The following CNTNAP2 variants were observed in gnomAD, a reference collection of about 807,000 sequenced individuals.
The protein encoded by CNTNAP2 is contactin associated protein 2, also known as contactin-associated protein-like 2.
A neutral mutation model predicts 155.2 loss-of-function variants in CNTNAP2; 98 were observed. The ratio of observed to expected loss-of-function variants is 0.63; its 90% CI spans 0.54 to 0.75. The LOEUF is 0.75. Among genes scored for constraint, CNTNAP2 ranks in the 30% least tolerant of loss-of-function variants. The pLI, the probability that CNTNAP2 is intolerant of heterozygous loss-of-function variation, is 0.00. For missense variants in CNTNAP2, 1,727 were observed against 1,688.1 expected, an observed-to-expected ratio of 1.02 and a Z score of -0.40; for synonymous variants, 651 against 631.2, an observed-to-expected ratio of 1.03 and a Z score of -0.47.
At chr7:148,152,060 G>C (rs1805306761) in intron 17 of CNTNAP2, among the ~76,000 whole-genome samples, 1 of 152,116 alleles carries the variant, frequency 6.6e-6, no homozygotes, top group Admixed American at 6.5e-5. Context: ...TTTGCACACA[G>C]AGCTCTACAG....
chr7:146,568,223 C>A (rs1483318465), intron 1 of CNTNAP2, among the ~76,000 whole-genome samples: 1 of 152,140 alleles, frequency 6.6e-6, no homozygotes, highest in African/African-American at 2.4e-5. Flanking sequence ...GCTGAAACCA[C>A]ACTATGAACA....
intron 1 of CNTNAP2, among the ~76,000 whole-genome samples, chr7:146,626,800 G>GGTGTTCTTTAT (rs1232786036): frequency 6.6e-6 from 1 of 152,034 alleles, no homozygotes; most frequent in African/African-American, 2.4e-5. Flanking sequence ...TGGGGCTTGT[G>GGTGTTCTTTAT]GTGTTCTTTA....
intron 3 of CNTNAP2, among the ~76,000 whole-genome samples, chr7:146,937,869 A>G (rs1796956288): frequency 6.6e-6 from 1 of 152,230 alleles, no homozygotes; most frequent in Non-Finnish European, 1.5e-5. Context: ...CTGATGGTAG[A>G]AGCTTAGGGT....
At chr7:147,153,330 G>C (rs1051981754) in intron 8 of CNTNAP2, among the ~76,000 whole-genome samples, 15 of 152,198 alleles carry the variant, frequency 9.9e-5, no homozygotes, top group African/African-American at 3.4e-4. Context: ...TATAAATAAA[G>C]TATATAGAAA....
At chr7:147,671,768 C>T (rs148700530) in intron 13 of CNTNAP2, 2,505 of 152,300 alleles carry the variant, frequency 0.016, 222 homozygotes, top group Admixed American at 0.15. Context: ...TGTGATCGAG[C>T]TCCAAAAGGG....
intron 1 of CNTNAP2, among the ~76,000 whole-genome samples, chr7:146,675,743 A>G (rs1160534560): frequency 6.6e-6 from 1 of 151,840 alleles, no homozygotes; most frequent in African/African-American, 2.4e-5. Flanking sequence ...GTCATTTGTT[A>G]TAACATTGAC....
intron 1 of CNTNAP2, among the ~76,000 whole-genome samples, chr7:146,283,530 GC>G (rs1800283125): frequency 6.6e-6 from 1 of 152,096 alleles, no homozygotes; most frequent in Non-Finnish European, 1.5e-5. Flanking sequence ...ACTGTGCCTG[GC>G]TGGTTCCAGA....
chr7:147,008,612 C>T (rs537844128), intron 3 of CNTNAP2, among the ~76,000 whole-genome samples: 2 of 151,998 alleles, frequency 1.3e-5, no homozygotes, highest in Admixed American at 6.6e-5. Context: ...GTAAGTACGC[C>T]GTCATAAGTA....
At chr7:147,079,398 G>A (rs1184001392) in intron 4 of CNTNAP2, among the ~76,000 whole-genome samples, 1 of 151,996 alleles carries the variant, frequency 6.6e-6, no homozygotes, top group East Asian at 1.9e-4. Flanking sequence ...AGTTTGGGAT[G>A]TTGCTCCCGT....
intron 15 of CNTNAP2, among the ~76,000 whole-genome samples, chr7:148,031,271 G>GCA (rs932827727): frequency 3.3e-5 from 5 of 152,252 alleles, no homozygotes; most frequent in Admixed American, 2.0e-4. Flanking sequence ...CTCTCAAAGG[G>GCA]CAGAGTAAGA....
chr7:147,542,292 G>A, intron 11 of CNTNAP2, among the ~76,000 whole-genome samples: 1 of 132,476 alleles, frequency 7.5e-6, no homozygotes. Flanking sequence ...CATTTGGATT[G>A]TTCAGTGGTA....
chr7:146,242,051 G>A (rs775378584), intron 1 of CNTNAP2, among the ~76,000 whole-genome samples: 103 of 152,062 alleles, frequency 6.8e-4, no homozygotes, highest in Non-Finnish European at 1.2e-3. Flanking sequence ...GCTATAAAAA[G>A]AGTTCAATAA....
intron 2 of CNTNAP2, among the ~76,000 whole-genome samples, chr7:146,775,067 A>G (rs1420058634): frequency 4.6e-5 from 7 of 152,220 alleles, no homozygotes; most frequent in Admixed American, 4.6e-4. Flanking sequence ...GGAAAGAAAC[A>G]ATATTATCTC....
chr7:146,750,766 T>G (rs964842341), intron 1 of CNTNAP2, among the ~76,000 whole-genome samples: 26 of 152,182 alleles, frequency 1.7e-4, no homozygotes, highest in African/African-American at 5.8e-4. Flanking sequence ...TTTTCTCTTT[T>G]TGCCTTATGA....
chr7:146,189,061 A>G (rs1798665566), intron 1 of CNTNAP2, among the ~76,000 whole-genome samples: 2 of 152,206 alleles, frequency 1.3e-5, no homozygotes, highest in African/African-American at 4.8e-5. Context: ...TAATCACAAT[A>G]CTCAGAAACA....
At chr7:147,723,976 C>A (rs1298246084) in intron 13 of CNTNAP2, among the ~76,000 whole-genome samples, 1 of 151,928 alleles carries the variant, frequency 6.6e-6, no homozygotes, top group Non-Finnish European at 1.5e-5. Flanking sequence ...TCTCTGTGAT[C>A]TGCACAGTGT....
At chr7:147,595,626 C>T (rs777987226) in intron 12 of CNTNAP2, among the ~76,000 whole-genome samples, 9 of 152,174 alleles carry the variant, frequency 5.9e-5, no homozygotes, top group African/African-American at 1.9e-4. Flanking sequence ...TAATAACTTA[C>T]GGCCGTATCT....
chr7:147,206,816 CTATT>C (rs1803033004), intron 8 of CNTNAP2, among the ~76,000 whole-genome samples: 1 of 152,092 alleles, frequency 6.6e-6, no homozygotes, highest in African/African-American at 2.4e-5. Context: ...TTATTTATGA[CTATT>C]TATTTTGCTT....
chr7:147,334,822 A>G (rs1435042722), intron 9 of CNTNAP2, among the ~76,000 whole-genome samples: 1 of 152,204 alleles, frequency 6.6e-6, no homozygotes, highest in East Asian at 1.9e-4. Context: ...TTTCTCTCCC[A>G]GGTTAGTGTT....
Sources: allele counts gnomAD v4.1 joint callset (sites outside exome capture counted in the v4.1 genomes callset), GRCh38; gene constraint gnomAD v4.1.1; transcripts MANE v1.5; gene names NCBI Gene and HGNC (gene_info 2026-07-23, HGNC 2026-07-21).